Variants in FNDC1 observed in about 807,000 individuals in gnomAD.
FNDC1 encodes the protein fibronectin type III domain-containing protein 1.
In FNDC1, 96 loss-of-function variants were observed where a neutral mutation model predicts 168.0. The ratio of observed to expected loss-of-function variants is 0.57; its 90% CI spans 0.48 to 0.68. The LOEUF (loss-of-function observed/expected upper bound fraction) is 0.68. Ranked by LOEUF, FNDC1 falls within the 30% of genes least tolerant of loss-of-function variation. FNDC1 has a pLI of 0.00. For synonymous variants in FNDC1, 1,099 were observed against 1,025.9 expected (o/e 1.07, Z -1.36); for missense variants, 2,587 against 2,482.1 (o/e 1.04, Z -0.90).
chr6:159,213,064 G>A (rs1158936293), intron 4 of FNDC1, among the ~76,000 whole-genome samples: 5 of 152,208 alleles, frequency 3.3e-5, no homozygotes, highest in Admixed American at 2.0e-4. Flanking sequence ...CTATGTGAGA[G>A]CTTGCTGCAG....
At chr6:159,183,206 A>G (rs1781919145) in intron 1 of FNDC1, among the ~76,000 whole-genome samples, 1 of 152,234 alleles carries the variant, frequency 6.6e-6, no homozygotes, top group South Asian at 2.1e-4. Context: ...ATATTTGTAG[A>G]GAGAAACTTG....
rs1289010544 is a variant in FNDC1 at position 159,197,553 on chromosome 6, G to A, written c.232G>A (p.Gly78Arg). 15 of 1,613,972 alleles carry A rather than the reference G, an allele frequency of 9.3e-6. No homozygotes were observed. Among genetic ancestry groups the A allele is most frequent in the Middle Eastern group, 1.6e-4 (1 of 6,062 alleles). ...RPVEHYNIAY[G>R]KSLKSLKYIK... ...TGTGGAGCATTACAACATTGCCTATGGGAAGTCACTGAAAAGTCTTAAATA... is the reference window on the plus strand; with the variant it reads ...TGTGGAGCATTACAACATTGCCTATAGGAAGTCACTGAAAAGTCTTAAATA... Residue 78 changes from glycine (G) to arginine (R), a missense_variant, in exon 2 of 23, where the codon GGG becomes AGG. Coordinates refer to ENST00000297267, the MANE Select transcript of FNDC1 (RefSeq NM_032532.3).
intron 1 of FNDC1, among the ~76,000 whole-genome samples, chr6:159,196,319 C>T (rs1189083252): frequency 6.6e-6 from 1 of 152,240 alleles, no homozygotes; most frequent in African/African-American, 2.4e-5. Flanking sequence ...ACTCTTCTTT[C>T]ATCCCTTGAA....
At chr6:159,245,358 GA>G (rs1783517850) in intron 14 of FNDC1, among the ~76,000 whole-genome samples, 1 of 152,208 alleles carries the variant, frequency 6.6e-6, no homozygotes, top group East Asian at 1.9e-4. Flanking sequence ...AGACATCTGG[GA>G]AATCATCCAC....
chr6:159,234,037 C>G lies in FNDC1; in HGVS notation c.3525C>G (p.Val1175=). ...TGTCCTCCAAGTCCCAGCAGTCGGT[C>G]TCAGCCGAGGACGACGAGGAGGAGG... is the stretch of plus-strand genomic sequence containing the variant. ...RPLSSKSQQS[V]SAEDDEEEDA... The change falls in exon 11 of 23, where the codon GTC becomes GTG. Residue 1175 remains valine (V), a synonymous_variant. Coordinates refer to ENST00000297267, the MANE Select transcript of FNDC1 (RefSeq NM_032532.3). 1 of 1,612,024 alleles carries G rather than the reference C, an allele frequency of 6.2e-7. No individual in the cohort carries two copies. The highest frequency in any genetic ancestry group is 8.5e-7 in the Non-Finnish European group (1 of 1,179,346).
chr6:159,271,317 GC>G lies in FNDC1; in HGVS notation c.5570-7del. The G allele has an allele frequency of 6.3e-7, 1 of 1,588,972 alleles. No individual in the cohort carries two copies. Among genetic ancestry groups the G allele is most frequent in the Admixed American group, 1.8e-5 (1 of 56,846 alleles). On this transcript the variant is annotated splice_polypyrimidine_tract_variant and intron_variant, in intron 22 of 22. Coordinates refer to ENST00000297267, the MANE Select transcript of FNDC1 (RefSeq NM_032532.3). ...TCTGACGCTTTTCCCCTCTCCTGTT[GC>G]CCTTCCAGGCTACTATCGCCAGTAT...
chr6:159,267,117 T>C (rs1777608879), intron 21 of FNDC1, among the ~76,000 whole-genome samples: 1 of 152,236 alleles, frequency 6.6e-6, no homozygotes, highest in South Asian at 2.1e-4. Flanking sequence ...TTTTTCTTGT[T>C]AGTAGTGATC....
In FNDC1 at chr6:159,223,604, G is replaced by A; in HGVS notation, c.843G>A (p.Val281=). The A allele has an allele frequency of 1.2e-6, 2 of 1,613,434 alleles. No individual in the cohort carries two copies. Among genetic ancestry groups the A allele is most frequent in the Non-Finnish European group, 1.7e-6 (2 of 1,179,612 alleles). The stretch of plus-strand genomic sequence containing the variant: ...CTCAGTCTGTGCTTGTGTCCTGGGT[G>A]GATCCTGTTCTGGAAAAACAGAAGA... ...MSSQSVLVSW[V]DPVLEKQKKV... The change falls in exon 7 of 23, where the codon GTG becomes GTA. Residue 281 remains valine (V), a synonymous_variant. Coordinates refer to ENST00000297267, the MANE Select transcript of FNDC1 (RefSeq NM_032532.3).
rs775514427 is a variant in FNDC1, at chr6:159,267,679, T to C, written c.5447-125T>C. On this transcript the variant is annotated intron_variant, in intron 21 of 22. Coordinates refer to ENST00000297267, the MANE Select transcript of FNDC1 (RefSeq NM_032532.3). ...TATCACCATTTTCAGACATGAAAAA[T>C]ACAGCACACACAGTTTAAGTAATAT... 2.6e-5 allele frequency: 25 copies of C among 972,484 alleles called. No individual in the cohort carries two copies. The Admixed American group carries it at 2.8e-4, about 11-fold the overall frequency. The allele number at this position is 972,484 out of a possible 1,614,324, so 60.2% of individuals were successfully genotyped here.
chr6:159,271,612 A>T lies in FNDC1; in HGVS notation c.*170A>T. On this transcript the variant is annotated 3_prime_UTR_variant, in exon 23 of 23. Coordinates refer to ENST00000297267, the MANE Select transcript of FNDC1 (RefSeq NM_032532.3). The stretch of plus-strand genomic sequence containing the variant: ...TCATCTCAGTCTGGAACTCAGTCCC[A>T]CTTCTTGGCCTGGACAATGAACAGG... 1.7e-6 allele frequency: 1 copy of T among 576,770 alleles called. No homozygotes were observed. The highest frequency in any genetic ancestry group is 3.2e-6 in the Non-Finnish European group (1 of 315,322). The allele number at this position is 576,770 out of a possible 1,614,324, so 35.7% of individuals were successfully genotyped here.
At chr6:159,182,198 C>T (rs988180100) in intron 1 of FNDC1, among the ~76,000 whole-genome samples, 5 of 152,188 alleles carry the variant, frequency 3.3e-5, no homozygotes, top group African/African-American at 1.2e-4. Flanking sequence ...CACTAGATAT[C>T]ATCTGAGCAG....
intron 1 of FNDC1, among the ~76,000 whole-genome samples, chr6:159,174,383 T>C (rs1781721673): frequency 6.6e-6 from 1 of 152,268 alleles, no homozygotes; most frequent in Admixed American, 6.5e-5. Flanking sequence ...TCCTTGCTTA[T>C]GAAAAACCTG....
chr6:159,190,805 T>A (rs1403806326), intron 1 of FNDC1, among the ~76,000 whole-genome samples: 1 of 152,218 alleles, frequency 6.6e-6, no homozygotes, highest in Non-Finnish European at 1.5e-5. Context: ...CCTGGGGAAA[T>A]GAAACTGAAA....
At chr6:159,190,629 G>T (rs534876838) in intron 1 of FNDC1, among the ~76,000 whole-genome samples, 1 of 152,364 alleles carries the variant, frequency 6.6e-6, no homozygotes, top group South Asian at 2.1e-4. Flanking sequence ...GTGGCCACAC[G>T]TTAGAGCCCA....
At chr6:159,174,395 G>C (rs1781722061) in intron 1 of FNDC1, among the ~76,000 whole-genome samples, 1 of 152,248 alleles carries the variant, frequency 6.6e-6, no homozygotes, top group South Asian at 2.1e-4. Context: ...AAAAACCTGC[G>C]TCTTCCTCCC....
At position 159,232,155 on chromosome 6, in the gene FNDC1, C is replaced by T; in HGVS notation, c.1643C>T (p.Ser548Phe). ...ATCACTGGGGAGGAGGAGCTGGGTTCCCGGGAGGACTCGCCCATGTCACCC... is the reference window on the plus strand; with the variant it reads ...ATCACTGGGGAGGAGGAGCTGGGTTTCCGGGAGGACTCGCCCATGTCACCC... ...TEITGEEELG[S>F]REDSPMSPSD... The change falls in exon 11 of 23, where the codon TCC becomes TTC. Residue 548 changes from serine (S) to phenylalanine (F), a missense_variant. Coordinates refer to ENST00000297267, the MANE Select transcript of FNDC1 (RefSeq NM_032532.3). The surrounding 1 kb of genome is among the most constrained non-coding windows in gnomAD (Gnocchi z 4.9). The T allele has an allele frequency of 6.2e-7, 1 of 1,613,924 alleles. No homozygotes were observed. Among genetic ancestry groups the T allele is most frequent in the Non-Finnish European group, 8.5e-7 (1 of 1,179,886 alleles).
chr6:159,213,713 A>C (rs1030188317), intron 4 of FNDC1, among the ~76,000 whole-genome samples: 4 of 152,038 alleles, frequency 2.6e-5, no homozygotes, highest in African/African-American at 9.7e-5. Flanking sequence ...AAAAAAAAAA[A>C]ACCTTTAAAA....
At chr6:159,260,971 C>T (rs1777470567) in intron 18 of FNDC1, among the ~76,000 whole-genome samples, 1 of 152,190 alleles carries the variant, frequency 6.6e-6, no homozygotes. Context: ...CTGCCATTAG[C>T]CATGTGTCCC....
At position 159,176,541 on chromosome 6, in the gene FNDC1, C is replaced by T. The variant is rs574600775; in HGVS notation, c.109+6836C>T. ...GATGCTGAGGAAGGACATCTCTGGT[C>T]GAGGAACAGACCCTGCTGCACACGT... On this transcript the variant is annotated intron_variant, in intron 1 of 22. Coordinates refer to ENST00000297267, the MANE Select transcript of FNDC1 (RefSeq NM_032532.3). Among the ~76,000 whole-genome samples the T allele has an allele frequency of 2.6e-5, 4 of 152,248 alleles. No individual in the cohort carries two copies. In the East Asian group the frequency reaches 5.8e-4, roughly 22 times the overall value.
Sources: gnomAD v4.1 joint callset for allele counts (sites outside exome capture counted in the v4.1 genomes callset) on GRCh38, gnomAD v4.1.1 for gene constraint, Gnocchi (gnomAD v3.1) non-coding constraint, MANE v1.5 for transcripts, NCBI Gene and HGNC (gene_info 2026-07-23, HGNC 2026-07-21) for gene names.